Variants in OGG1 observed in about 807,000 individuals in gnomAD.
The protein encoded by OGG1 is 8-oxoguanine DNA glycosylase.
OGG1 carries 35 observed loss-of-function variants against 42.3 expected under a neutral mutation model. The observed-to-expected ratio is 0.83, with a 90% CI of 0.63 to 1.10. The LOEUF (loss-of-function observed/expected upper bound fraction) is 1.10. Ranked by LOEUF, OGG1 falls within the 50% of genes least tolerant of loss-of-function variation. The pLI, the probability that OGG1 is intolerant of heterozygous loss-of-function variation, is 0.00. For synonymous variants in OGG1, 189 were observed against 179.0 expected, an observed-to-expected ratio of 1.06 and a Z score of -0.44; for missense variants, 484 against 446.7, an observed-to-expected ratio of 1.08 and a Z score of -0.75.
chr3:9,772,773 T>A (rs2078317555), intron 2 of OGG1, among the ~76,000 whole-genome samples: 1 of 152,128 alleles, frequency 6.6e-6, no homozygotes, highest in Non-Finnish European at 1.5e-5. Context: ...GGAAGAGGTA[T>A]CTTGTCCAAA....
intron 7 of OGG1, among the ~76,000 whole-genome samples, chr3:9,764,629 T>G (rs1435334972): frequency 4.4e-3 from 114 of 25,732 alleles, no homozygotes; most frequent in South Asian, 8.6e-3. Flanking sequence ...TTTTTTTTTG[T>G]TTTTTTTTTT....
rs764107015 is a variant in OGG1 at position 9,754,898 on chromosome 3, G to C, written c.747+13G>C. The stretch of plus-strand genomic sequence containing the variant: ...AGTGGGCACCAAGGTGAGGCCCCAG[G>C]GGGTAGGAGCTGCCCTCTCTACTGA... On this transcript the variant is annotated intron_variant, in intron 4 of 6. Coordinates refer to ENST00000344629, the MANE Select transcript of OGG1 (RefSeq NM_002542.6). 44 of 1,574,160 alleles carry C rather than the reference G, an allele frequency of 2.8e-5. No homozygotes were observed. The highest frequency in any genetic ancestry group is 1.7e-4 in the South Asian group (15 of 86,324).
chr3:9,765,689 A>G (rs1410135712), intron 7 of OGG1: 4 of 1,545,430 alleles, frequency 2.6e-6, no homozygotes, highest in Non-Finnish European at 3.5e-6. Flanking sequence ...TGTCCAAAGC[A>G]GGAAAGGAGG....
chr3:9,752,226 A>G, intron 3 of OGG1: 1 of 505,304 alleles, frequency 2.0e-6, no homozygotes, highest in South Asian at 2.1e-5. Flanking sequence ...AAGAGCATGC[A>G]TTCTGGGGAC....
chr3:9,758,637 CTT>C, downstream of OGG1: 2 of 157,940 alleles, frequency 1.3e-5, no homozygotes, highest in Non-Finnish European at 2.7e-5. Context: ...AGAGCTCTTT[CTT>C]TTTTTTTTGA....
intron 2 of OGG1, chr3:9,780,535 T>A: frequency 6.2e-7 from 1 of 1,602,238 alleles, no homozygotes; most frequent in East Asian, 2.2e-5. Context: ...CCGGCTCACC[T>A]CCTCCTTTGC....
chr3:9,753,289 A>G (rs2077386829), intron 3 of OGG1, among the ~76,000 whole-genome samples: 1 of 149,622 alleles, frequency 6.7e-6, no homozygotes, highest in Non-Finnish European at 1.5e-5. Context: ...GGTTGCAGTG[A>G]GCTGAGATCA....
intron 5 of OGG1, 57 bp downstream of exon 5, chr3:9,756,678 C>G: frequency 6.2e-7 from 1 of 1,612,546 alleles, no homozygotes; most frequent in South Asian, 1.1e-5. Flanking sequence ...AAACTTCTCT[C>G]TCTCTTAGTC....
chr3:9,751,972 C>G, intron 3 of OGG1, 23 bp downstream of exon 3: 1 of 1,607,462 alleles, frequency 6.2e-7, no homozygotes, highest in Non-Finnish European at 8.5e-7. Context: ...GTCCCCTGCC[C>G]CCAGGCCTTC....
downstream of OGG1, chr3:9,789,639 T>C: frequency 6.2e-7 from 1 of 1,612,430 alleles, no homozygotes; most frequent in South Asian, 1.1e-5. Context: ...AGATCCTGAG[T>C]GGGCGCCCCT....
chr3:9,750,242 GT>G lies in OGG1; in HGVS notation c.-43del. 2 of 1,588,788 alleles carry G rather than the reference GT, an allele frequency of 1.3e-6. No individual in the cohort carries two copies. Among genetic ancestry groups the G allele is most frequent in the Non-Finnish European group, 8.6e-7 (1 of 1,167,836 alleles). On this transcript the variant is annotated 5_prime_UTR_variant, in exon 1 of 7. It introduces an in-frame stop codon into an upstream open reading frame of the 5' UTR. Transcript: ENST00000344629. ...GGTCTTTGGGCGTCGACGAGGCCTGGTTCTGGGTAGGCGGGGCTACTACGGG... is the reference window on the plus strand; with the variant it reads ...GGTCTTTGGGCGTCGACGAGGCCTGGTCTGGGTAGGCGGGGCTACTACGGG...
rs2077313600 is a variant in OGG1, at chr3:9,751,819, C to T, written c.435C>T (p.Ile145=). The change falls in exon 3 of 7, where the codon ATC becomes ATT. Residue 145 remains isoleucine, a synonymous_variant. Coordinates refer to ENST00000344629, the MANE Select transcript of OGG1 (RefSeq NM_002542.6). ...CCATCGAATGCCTTTTCTCTTTTATCTGTTCCTCCAACAACAACATCGCCC... is the reference window on the plus strand; with the variant it reads ...CCATCGAATGCCTTTTCTCTTTTATTTGTTCCTCCAACAACAACATCGCCC... The part of the protein sequence containing the change: ...QDPIECLFSF[I]CSSNNNIARI... 6.2e-7 allele frequency: 1 copy of T among 1,614,208 alleles called. No homozygotes were observed. Among genetic ancestry groups the T allele is most frequent in the South Asian group, 1.1e-5 (1 of 91,082 alleles).
intron 2 of OGG1, 80 bp from the exon 3 acceptor site, chr3:9,751,690 C>A: frequency 7.3e-7 from 1 of 1,366,622 alleles, no homozygotes; most frequent in Non-Finnish European, 1.0e-6. Flanking sequence ...GTTTTGGTAC[C>A]TAGGATCTGA....
chr3:9,768,144 C>T (rs1239419186), downstream of OGG1, among the ~76,000 whole-genome samples: 1 of 152,068 alleles, frequency 6.6e-6, no homozygotes, highest in African/African-American at 2.4e-5. Flanking sequence ...TGGAGGATCC[C>T]CCTGTCCCCA....
rs565216534 is a variant in OGG1, at chr3:9,783,710, G to T, written c.382+2110G>T. 388 of 207,780 alleles carry T rather than the reference G, an allele frequency of 1.9e-3. 1 individual carries two copies. Among genetic ancestry groups the T allele is most frequent in the Non-Finnish European group, 2.8e-3 (286 of 103,966 alleles). 12.9% of individuals were successfully genotyped at this position (207,780 alleles called of 1,614,324 possible). On this transcript the variant is annotated intron_variant, in intron 3 of 3. Coordinates refer to the OGG1 transcript ENST00000426518. ...GGAGAATGGCATGAACCTGGGAGGC[G>T]GAGCTTGCAGTGAGCCGAGATCATG... is the stretch of plus-strand genomic sequence containing the variant.
At chr3:9,783,943 CTGT>C (rs781041191) in intron 3 of OGG1, 1,270 of 1,469,032 alleles carry the variant, frequency 8.6e-4, no homozygotes, top group Non-Finnish European at 1.0e-3. Flanking sequence ...ATTGGAAAGC[CTGT>C]TGTAAAACCC....
At chr3:9,752,051 C>T (rs1000976608) in intron 3 of OGG1, 102 bp downstream of exon 3, 2 of 1,150,370 alleles carry the variant, frequency 1.7e-6, no homozygotes, top group Non-Finnish European at 2.6e-6. Context: ...TTCCCAAACA[C>T]TTCCCCTATC....
intron 7 of OGG1, chr3:9,763,258 AC>A (rs779979464): frequency 1.2e-6 from 2 of 1,612,064 alleles, no homozygotes; most frequent in African/African-American, 2.7e-5. Flanking sequence ...GGCGGTGTGC[AC>A]CTGTAGTCCA....
intron 2 of OGG1, among the ~76,000 whole-genome samples, chr3:9,774,936 A>G (rs917242020): frequency 6.6e-6 from 1 of 151,854 alleles, no homozygotes; most frequent in Non-Finnish European, 1.5e-5. Context: ...GGACAAGGCT[A>G]TATGCTCCAA....
Sources: allele counts gnomAD v4.1 joint callset (sites outside exome capture counted in the v4.1 genomes callset), GRCh38; gene constraint gnomAD v4.1.1; transcripts MANE v1.5; gene names NCBI Gene and HGNC (gene_info 2026-07-23, HGNC 2026-07-21).